Variants in GSG1L observed in about 807,000 individuals in gnomAD.
GSG1L encodes the protein germ cell-specific gene 1-like protein.
In GSG1L, 24 loss-of-function variants were observed where a neutral mutation model predicts 42.1. The observed-to-expected ratio is 0.57, with a 90% CI of 0.41 to 0.80. The LOEUF is 0.80. GSG1L is among the 30% of genes least tolerant of loss of function. GSG1L has a pLI of 0.00. For synonymous variants in GSG1L, 215 were observed against 203.5 expected, an observed-to-expected ratio of 1.06 and a Z score of -0.48; for missense variants, 445 against 472.2, an observed-to-expected ratio of 0.94 and a Z score of 0.53.
In GSG1L at chr16:27,791,363, G is replaced by C. The variant is rs935975049; in HGVS notation, c.*7C>G. The stretch of plus-strand genomic sequence containing the variant: ...CCTGAGGTCCGCGGGCCAGGTTGAG[G>C]TCTTGGTCACACCCAGTGCCCCAAG... On this transcript the variant is annotated 3_prime_UTR_variant, in exon 7 of 7. Transcript: ENST00000447459. 7 of 1,401,982 alleles carry C rather than the reference G, an allele frequency of 5.0e-6. No homozygotes were observed. Among genetic ancestry groups the C allele is most frequent in the Admixed American group, 2.7e-5 (1 of 36,650 alleles). 86.8% of individuals were successfully genotyped at this position (1,401,982 alleles called of 1,614,324 possible). A position where few individuals can be genotyped will look rare whatever the true frequency, so the allele number is the denominator to read the frequency against.
At chr16:28,030,466 T>C (rs564982396) in intron 1 of GSG1L, among the ~76,000 whole-genome samples, 3 of 151,248 alleles carry the variant, frequency 2.0e-5, no homozygotes, top group South Asian at 4.2e-4. Context: ...CTCTGAGAAA[T>C]AGAAAGGGAA....
At chr16:27,867,049 C>T (rs1406866579) in intron 3 of GSG1L, among the ~76,000 whole-genome samples, 1 of 152,168 alleles carries the variant, frequency 6.6e-6, no homozygotes, top group African/African-American at 2.4e-5. Flanking sequence ...CCAATCCTCT[C>T]CTACCACAGT....
intron 1 of GSG1L, among the ~76,000 whole-genome samples, chr16:27,977,094 C>G (rs537992729): frequency 1.4e-4 from 22 of 152,266 alleles, no homozygotes; most frequent in Admixed American, 3.3e-4. Flanking sequence ...ACGCAAAGGA[C>G]TTGGCGTTCA....
intron 1 of GSG1L, among the ~76,000 whole-genome samples, chr16:28,021,890 G>A (rs562313529): frequency 1.3e-4 from 20 of 152,250 alleles, no homozygotes; most frequent in Admixed American, 7.2e-4. Context: ...CATGGGCCTC[G>A]ACACGGGGCT....
chr16:28,028,081 C>A (rs142608571), intron 1 of GSG1L, among the ~76,000 whole-genome samples: 237 of 152,294 alleles, frequency 1.6e-3, no homozygotes, highest in African/African-American at 5.5e-3. Context: ...TGTGTCATTT[C>A]GTGAGTCTTT....
At chr16:27,812,875 G>A (rs1226038583) in intron 5 of GSG1L, among the ~76,000 whole-genome samples, 1 of 151,938 alleles carries the variant, frequency 6.6e-6, no homozygotes. Context: ...TGCAACCTCC[G>A]CCTCCCGGAT....
chr16:27,852,074 C>A (rs1036538957), intron 3 of GSG1L, among the ~76,000 whole-genome samples: 1 of 152,194 alleles, frequency 6.6e-6, no homozygotes, highest in African/African-American at 2.4e-5. Context: ...AATTGAGATA[C>A]CAGGGAGGTA....
intron 5 of GSG1L, among the ~76,000 whole-genome samples, chr16:27,827,376 T>C (rs2083222442): frequency 6.6e-6 from 1 of 152,150 alleles, no homozygotes; most frequent in Admixed American, 6.5e-5. Context: ...CAGCCTGTGA[T>C]TGTGCAAGCC....
intron 1 of GSG1L, among the ~76,000 whole-genome samples, chr16:28,034,935 T>TGTACAATGG (rs1371083883): frequency 6.6e-6 from 1 of 152,234 alleles, no homozygotes; most frequent in African/African-American, 2.4e-5. Flanking sequence ...CTTGTCCATC[T>TGTACAATGG]GTACAATGGA....
chr16:27,836,931 T>C (rs1313906618), intron 4 of GSG1L, among the ~76,000 whole-genome samples: 3 of 152,236 alleles, frequency 2.0e-5, no homozygotes, highest in East Asian at 3.8e-4. Flanking sequence ...CTCTGGATCT[T>C]GTTTAAACTG....
At chr16:27,911,280 T>TC (rs1555507787) in intron 2 of GSG1L, among the ~76,000 whole-genome samples, 1 of 144,180 alleles carries the variant, frequency 6.9e-6, no homozygotes. Flanking sequence ...TCTCTCTCTC[T>TC]CTCTCTCTCT....
At chr16:27,953,586 T>C (rs1245963097) in intron 2 of GSG1L, among the ~76,000 whole-genome samples, 2 of 152,090 alleles carry the variant, frequency 1.3e-5, no homozygotes, top group Non-Finnish European at 2.9e-5. Flanking sequence ...GCAAAAGGTA[T>C]TTAGGAGATA....
chr16:27,825,626 A>C (rs1328523175), intron 5 of GSG1L, among the ~76,000 whole-genome samples: 1 of 152,138 alleles, frequency 6.6e-6, no homozygotes, highest in African/African-American at 2.4e-5. Flanking sequence ...GTGTCACTGT[A>C]CTCAGTCTGG....
chr16:27,931,934 T>G lies in GSG1L; in HGVS notation c.397+31222A>C, dbSNP rs116788293. ...AAAACTGAAGAAACAGAATGAGATC[T>G]ATAGCACAAACTGAGATCAACTGCA... On this transcript the variant is annotated intron_variant, in intron 2 of 6. Transcript: ENST00000447459. Among the ~76,000 whole-genome samples, 234 of 152,320 alleles carry G rather than the reference T, an allele frequency of 1.5e-3. 1 individual carries two copies. Among genetic ancestry groups the G allele is most frequent in the African/African-American group, 5.3e-3 (221 of 41,580 alleles).
chr16:27,954,644 A>T (rs1002974120), intron 2 of GSG1L, among the ~76,000 whole-genome samples: 2 of 151,958 alleles, frequency 1.3e-5, no homozygotes, highest in African/African-American at 4.8e-5. Flanking sequence ...CATCAGATGA[A>T]CTTTTTGTTT....
intron 4 of GSG1L, among the ~76,000 whole-genome samples, chr16:27,838,351 AC>A (rs1336148241): frequency 1.3e-5 from 2 of 151,910 alleles, no homozygotes; most frequent in Admixed American, 6.6e-5. Flanking sequence ...TGTTCCTCTC[AC>A]CCCCCAGGGC....
chr16:27,888,454 T>TTGTTTCTC (rs2084063603), intron 2 of GSG1L, among the ~76,000 whole-genome samples: 1 of 40,796 alleles, frequency 2.5e-5, no homozygotes, highest in Admixed American at 3.5e-4. Flanking sequence ...CTTTCTTTCT[T>TTGTTTCTC]TCTTTCTTTC....
chr16:27,829,030 C>T (rs2083246823), intron 4 of GSG1L, 74 bp from the exon 5 acceptor site: 4 of 1,405,406 alleles, frequency 2.8e-6, no homozygotes, highest in Non-Finnish European at 3.0e-6. Context: ...ACCCACCAAA[C>T]ATTCATTCAT....
chr16:28,060,173 G>A (rs1160457797), intron 1 of GSG1L, among the ~76,000 whole-genome samples: 1 of 152,038 alleles, frequency 6.6e-6, no homozygotes, highest in African/African-American at 2.4e-5. Context: ...ATAGGGGTGG[G>A]GGAGGCGAGA....
Sources: gnomAD v4.1 joint callset for allele counts (sites outside exome capture counted in the v4.1 genomes callset) on GRCh38, gnomAD v4.1.1 for gene constraint, MANE v1.5 for transcripts, NCBI Gene and HGNC (gene_info 2026-07-23, HGNC 2026-07-21) for gene names.